Variants in GFRA2 observed in about 807,000 individuals in gnomAD.
GFRA2 encodes the protein GDNF family receptor alpha 2, also known as GDNF family receptor alpha-2.
A neutral mutation model predicts 48.3 loss-of-function variants in GFRA2; 17 were observed. That is an observed-to-expected ratio of 0.35 (90% CI 0.24 to 0.53). The LOEUF is 0.53. GFRA2 is among the 20% of genes least tolerant of loss of function. The pLI is 0.93. For missense variants in GFRA2, 660 were observed against 637.3 expected (o/e 1.04, Z -0.38); for synonymous variants, 305 against 257.2 (o/e 1.19, Z -1.78).
chr8:21,811,397 C>T (rs73219567), intron 1 of GFRA2, among the ~76,000 whole-genome samples: 1,972 of 152,250 alleles, frequency 0.013, 29 homozygotes, highest in South Asian at 0.049. Context: ...TTAGGGAACT[C>T]GGGATGGGTT....
intron 2 of GFRA2, among the ~76,000 whole-genome samples, chr8:21,800,925 C>CAAA (rs34924711): frequency 8.9e-6 from 1 of 112,594 alleles, no homozygotes. Context: ...GACCTGGTGT[C>CAAA]AAAAAAAAAA....
intron 4 of GFRA2, among the ~76,000 whole-genome samples, chr8:21,719,131 C>G (rs1803476718): frequency 6.6e-6 from 1 of 152,046 alleles, no homozygotes; most frequent in Non-Finnish European, 1.5e-5. Context: ...AGCACTGAAC[C>G]CCAGCTGACC....
chr8:21,709,721 A>G (rs1802923616), intron 4 of GFRA2, among the ~76,000 whole-genome samples: 1 of 152,156 alleles, frequency 6.6e-6, no homozygotes, highest in African/African-American at 2.4e-5. Context: ...CTCCCAGGCA[A>G]TGCCAGTTCC....
intron 1 of GFRA2, among the ~76,000 whole-genome samples, chr8:21,806,192 G>A (rs1807862485): frequency 6.6e-6 from 1 of 152,010 alleles, no homozygotes; most frequent in Non-Finnish European, 1.5e-5. Context: ...AACTACGGAG[G>A]GTCTCAAACT....
chr8:21,764,476 T>C (rs1007464407), intron 3 of GFRA2, among the ~76,000 whole-genome samples: 38 of 152,240 alleles, frequency 2.5e-4, no homozygotes, highest in African/African-American at 8.2e-4. Flanking sequence ...ATTGAGACCA[T>C]AGCACCTTAA....
intron 4 of GFRA2, among the ~76,000 whole-genome samples, chr8:21,709,287 T>G (rs1292403662): frequency 1.3e-5 from 2 of 152,226 alleles, no homozygotes; most frequent in Non-Finnish European, 2.9e-5. Flanking sequence ...TTTCTTCCGT[T>G]TCCATATTCT....
chr8:21,774,401 C>G (rs373334860), intron 3 of GFRA2, among the ~76,000 whole-genome samples: 6 of 152,126 alleles, frequency 3.9e-5, no homozygotes, highest in African/African-American at 1.2e-4. Context: ...CTGCAGACAC[C>G]TCCCTTCATG....
At chr8:21,732,756 C>T (rs1039622274) in intron 4 of GFRA2, among the ~76,000 whole-genome samples, 3 of 152,236 alleles carry the variant, frequency 2.0e-5, no homozygotes, top group Non-Finnish European at 4.4e-5. Context: ...GAAATGTAAA[C>T]ACCCCCTAGA....
intron 3 of GFRA2, among the ~76,000 whole-genome samples, chr8:21,774,192 C>T (rs1806576754): frequency 6.6e-6 from 1 of 151,814 alleles, no homozygotes; most frequent in East Asian, 1.9e-4. Context: ...AACCCCCTCC[C>T]CAGTGCCCAG....
chr8:21,759,406 G>A (rs1563251961), intron 3 of GFRA2, among the ~76,000 whole-genome samples: 1 of 113,336 alleles, frequency 8.8e-6, no homozygotes, highest in South Asian at 3.7e-4. Flanking sequence ...GAAAGGAAGA[G>A]AGAGAGGGAA....
intron 2 of GFRA2, among the ~76,000 whole-genome samples, chr8:21,794,133 C>T (rs777573971): frequency 9.2e-5 from 14 of 151,852 alleles, no homozygotes; most frequent in Non-Finnish European, 1.6e-4. Context: ...GGATTACAGG[C>T]CTGAGCCACT....
chr8:21,810,129 G>A (rs553633029), intron 1 of GFRA2, among the ~76,000 whole-genome samples: 2 of 152,286 alleles, frequency 1.3e-5, no homozygotes, highest in African/African-American at 4.8e-5. Flanking sequence ...AAAGCCAAAT[G>A]CAAAAGCACA....
chr8:21,789,025 C>T (rs1807428517), upstream of GFRA2, among the ~76,000 whole-genome samples: 1 of 96,562 alleles, frequency 1.0e-5, no homozygotes, highest in African/African-American at 9.6e-5. Flanking sequence ...TCCCAGGCGG[C>T]TGGCGGCGCG....
chr8:21,707,965 T>C (rs554880408), intron 4 of GFRA2, among the ~76,000 whole-genome samples: 3 of 152,370 alleles, frequency 2.0e-5, no homozygotes, highest in South Asian at 4.1e-4. Context: ...TATTATCCCA[T>C]TTTATAGATG....
At chr8:21,781,109 C>T (rs1186571134) in intron 2 of GFRA2, among the ~76,000 whole-genome samples, 1 of 152,110 alleles carries the variant, frequency 6.6e-6, no homozygotes, top group African/African-American at 2.4e-5. Flanking sequence ...AATAAATACA[C>T]AAATAAATAG....
chr8:21,811,741 A>G (rs1807985227), intron 1 of GFRA2, among the ~76,000 whole-genome samples: 1 of 144,128 alleles, frequency 6.9e-6, no homozygotes, highest in African/African-American at 2.6e-5. Context: ...GTGCCCCCCA[A>G]CCCCCAACCT....
At chr8:21,752,513 G>A (rs913868041) in intron 3 of GFRA2, among the ~76,000 whole-genome samples, 2 of 151,920 alleles carry the variant, frequency 1.3e-5, no homozygotes, top group African/African-American at 4.8e-5. Context: ...TCCATACCCA[G>A]GGCTCAGTCT....
chr8:21,700,103 G>A (rs1044500318), intron 7 of GFRA2, among the ~76,000 whole-genome samples: 1 of 152,162 alleles, frequency 6.6e-6, no homozygotes, highest in African/African-American at 2.4e-5. Context: ...AAGGAGAGAC[G>A]TCTTACTCAG....
intron 2 of GFRA2, among the ~76,000 whole-genome samples, chr8:21,800,182 T>G (rs1807745696): frequency 6.6e-6 from 1 of 152,214 alleles, no homozygotes; most frequent in Non-Finnish European, 1.5e-5. Context: ...CCAGCAAAAC[T>G]GATAATGGCC....
Sources: allele counts gnomAD v4.1 joint callset (sites outside exome capture counted in the v4.1 genomes callset), GRCh38; gene constraint gnomAD v4.1.1; transcripts MANE v1.5; gene names NCBI Gene and HGNC (gene_info 2026-07-23, HGNC 2026-07-21).